The following IL16 variants were observed in gnomAD, a reference collection of about 807,000 sequenced individuals.
IL16 encodes pro-interleukin-16.
A neutral mutation model predicts 110.1 loss-of-function variants in IL16; 67 were observed. That is an observed-to-expected ratio of 0.61 (90% CI 0.50 to 0.75). The LOEUF (loss-of-function observed/expected upper bound fraction) is 0.75. IL16 is among the 30% of genes least tolerant of loss of function. IL16 has a pLI of 0.00. For synonymous variants in IL16, 689 were observed against 662.9 expected (o/e 1.04, Z -0.61); for missense variants, 1,545 against 1,655.0 (o/e 0.93, Z 1.15).
intron 6 of IL16, among the ~76,000 whole-genome samples, chr15:81,277,467 C>T (rs899509965): frequency 3.4e-5 from 5 of 148,360 alleles, no homozygotes; most frequent in African/African-American, 1.0e-4. Flanking sequence ...TTTTTTGAGA[C>T]AGGATCTCAT....
chr15:81,278,718 C>T (rs1899025657), intron 6 of IL16, 99 bp from the exon 7 acceptor site: 1 of 831,296 alleles, frequency 1.2e-6, no homozygotes, highest in Admixed American at 1.8e-5. Context: ...GTGCATCATA[C>T]AAAAAGCCGG....
chr15:81,197,727 G>T (rs1267435438), intron 1 of IL16, among the ~76,000 whole-genome samples: 2 of 151,812 alleles, frequency 1.3e-5, no homozygotes, highest in Non-Finnish European at 2.9e-5. Context: ...TTTTTTGTTT[G>T]TTTGTTTTTT....
chr15:81,267,435 T>C (rs1310102112), intron 4 of IL16, among the ~76,000 whole-genome samples: 10 of 151,696 alleles, frequency 6.6e-5, no homozygotes, highest in Admixed American at 6.6e-4. Context: ...CAATAAGAGA[T>C]GTATAGATAG....
At chr15:81,241,266 A>G (rs1251288475) in intron 2 of IL16, among the ~76,000 whole-genome samples, 1 of 152,010 alleles carries the variant, frequency 6.6e-6, no homozygotes, top group African/African-American at 2.4e-5. Flanking sequence ...ATTTAGATAT[A>G]CTTATTTATT....
In IL16 at chr15:81,306,485, G is replaced by A; in HGVS notation, c.3745G>A (p.Glu1249Lys). The change falls in exon 18 of 19, where the codon GAA (glutamate) becomes AAA (lysine). Residue 1249 changes from glutamate to lysine, a missense_variant. This residue lies in a region of IL16 where 356 missense variants were observed against 399.3 expected (regional missense o/e 0.89). Transcript: ENST00000683961. ...GTCGGCAGGGCTGGGCTTCAGCCTG[G>A]AAGGAGGGAAGGGCTCCCTACACGG... ...KMSAGLGFSLEGGKGSLHGDK... is the reference protein window; with the variant it reads ...KMSAGLGFSLKGGKGSLHGDK... 1 of 1,613,686 alleles carries A rather than the reference G, an allele frequency of 6.2e-7. No homozygotes were observed. Among genetic ancestry groups the A allele is most frequent in the African/African-American group, 1.3e-5 (1 of 74,898 alleles).
At chr15:81,216,179 G>A (rs1477796213) in intron 1 of IL16, among the ~76,000 whole-genome samples, 1 of 152,178 alleles carries the variant, frequency 6.6e-6, no homozygotes, top group Non-Finnish European at 1.5e-5. Flanking sequence ...CTCTCTGCTG[G>A]AGCTGTCCTG....
At chr15:81,262,998 C>G (rs1029712708) in intron 3 of IL16, among the ~76,000 whole-genome samples, 1 of 152,150 alleles carries the variant, frequency 6.6e-6, no homozygotes, top group African/African-American at 2.4e-5. Context: ...TTACTTAGCT[C>G]TTTTTATGCT....
chr15:81,255,811 T>G (rs1567020816), intron 2 of IL16, among the ~76,000 whole-genome samples: 1 of 152,218 alleles, frequency 6.6e-6, no homozygotes. Flanking sequence ...ATGATTCTCC[T>G]GCCATCAATT....
chr15:81,193,689 C>T (rs373856263), upstream of IL16, among the ~76,000 whole-genome samples: 43 of 152,014 alleles, frequency 2.8e-4, no homozygotes, highest in Admixed American at 2.2e-3. Context: ...GGAAGAGAGC[C>T]GGGGAGCGGG....
At chr15:81,273,053 A>G (rs991366010) in intron 5 of IL16, 37 bp from the exon 6 acceptor site, 1 of 1,529,010 alleles carries the variant, frequency 6.5e-7, no homozygotes, top group Non-Finnish European at 9.0e-7. Flanking sequence ...AGCATGGAAT[A>G]CTACCCCTAA....
intron 1 of IL16, among the ~76,000 whole-genome samples, chr15:81,185,396 C>T (rs2141907840): frequency 6.7e-6 from 1 of 149,218 alleles, no homozygotes; most frequent in Admixed American, 6.7e-5. Flanking sequence ...TCATCTGTCG[C>T]CCAGGCTAGA....
chr15:81,306,389 A>AG, intron 17 of IL16, 31 bp from the exon 18 acceptor site: 1 of 1,611,246 alleles, frequency 6.2e-7, no homozygotes, highest in Non-Finnish European at 8.5e-7. Context: ...AGAGGAGAGG[A>AG]TCCCTAACAG....
At chr15:81,217,577 A>G (rs1420962079) in intron 1 of IL16, among the ~76,000 whole-genome samples, 1 of 152,202 alleles carries the variant, frequency 6.6e-6, no homozygotes, top group African/African-American at 2.4e-5. Flanking sequence ...AGACAACCCA[A>G]ATGAGATGGC....
chr15:81,186,934 C>T (rs1045113756), intron 1 of IL16, among the ~76,000 whole-genome samples: 4 of 152,232 alleles, frequency 2.6e-5, no homozygotes, highest in African/African-American at 9.6e-5. Flanking sequence ...GCTGAGATTA[C>T]AAGAGTGAGC....
At chr15:81,288,921 G>A (rs976416981) in intron 10 of IL16, among the ~76,000 whole-genome samples, 13 of 151,844 alleles carry the variant, frequency 8.6e-5, no homozygotes, top group African/African-American at 2.7e-4. Context: ...TTTGACTATT[G>A]TGAATAATGC....
intron 2 of IL16, among the ~76,000 whole-genome samples, chr15:81,247,061 C>A (rs920552372): frequency 9.6e-6 from 1 of 104,290 alleles, no homozygotes; most frequent in African/African-American, 3.8e-5. Flanking sequence ...TTTGTGTTTT[C>A]TTTCTTTTCT....
intron 6 of IL16, among the ~76,000 whole-genome samples, chr15:81,276,836 T>C (rs533588963): frequency 6.6e-6 from 1 of 152,286 alleles, no homozygotes; most frequent in South Asian, 2.1e-4. Flanking sequence ...AAAATGAGTT[T>C]ATAAAGATTA....
intron 14 of IL16, 87 bp from the exon 15 acceptor site, chr15:81,301,257 C>A: frequency 8.1e-7 from 1 of 1,232,984 alleles, no homozygotes; most frequent in Non-Finnish European, 1.1e-6. Flanking sequence ...TGCTTGGCAC[C>A]ACACCTGGGA....
At chr15:81,209,484 G>A (rs144051641) in intron 1 of IL16, among the ~76,000 whole-genome samples, 100 of 152,152 alleles carry the variant, frequency 6.6e-4, no homozygotes, top group African/African-American at 2.3e-3. Flanking sequence ...GGATGAACTG[G>A]GACAACAGAG....
Sources: gnomAD v4.1 joint callset for allele counts (sites outside exome capture counted in the v4.1 genomes callset) on GRCh38, gnomAD v4.1.1 for gene constraint, gnomAD v4.1.1 regional missense constraint, MANE v1.5 for transcripts, NCBI Gene and HGNC (gene_info 2026-07-23, HGNC 2026-07-21) for gene names.